Variants in DMD observed in about 807,000 individuals in gnomAD.
DMD encodes the protein mutant dystrophin.
DMD carries 63 observed loss-of-function variants against 330.1 expected under a neutral mutation model. The observed-to-expected ratio is 0.19, with a 90% CI of 0.16 to 0.24. The LOEUF is 0.24. Ranked by LOEUF, DMD falls within the 10% of genes least tolerant of loss-of-function variation. DMD has a pLI of 1.00. For missense variants in DMD, 3,344 were observed against 2,684.1 expected (o/e 1.25, Z -5.43); for synonymous variants, 1,223 against 959.8 (o/e 1.27, Z -5.07).
intron 44 of DMD, among the ~76,000 whole-genome samples, chrX:32,115,239 T>A (rs1168191235): frequency 1.8e-5 from 2 of 111,054 alleles, no homozygotes; most frequent in Admixed American, 9.6e-5. Flanking sequence ...GCCACATTAT[T>A]TATTTATTTA....
chrX:32,382,447 T>C (rs1016388538), intron 33 of DMD, among the ~76,000 whole-genome samples: 6 of 111,323 alleles, frequency 5.4e-5, no homozygotes, highest in African/African-American at 1.9e-4. Context: ...TAAAAATATG[T>C]ATAAAGCATC....
rs1303491589 is a variant in DMD at position 32,129,717 on chromosome X, G to A, written c.6438+87199C>T. ...ATATATATAGATATGGAGAGAGAGA[G>A]AGAGAGGGAGGGAGAGAGAGAGAGA... On this transcript the variant is annotated intron_variant, in intron 44 of 78. Transcript: ENST00000357033. Among the ~76,000 whole-genome samples, 115 of 49,908 alleles carry A rather than the reference G, an allele frequency of 2.3e-3. 1 individual carries two copies. Among genetic ancestry groups the A allele is most frequent in the Non-Finnish European group, 3.7e-3 (87 of 23,479 alleles). 43.3% of individuals were successfully genotyped at this position (49,908 alleles called of 115,157 possible). A position where few individuals can be genotyped will look rare whatever the true frequency, so the allele number is the denominator to read the frequency against.
At chrX:32,779,584 T>C (rs1035312640) in intron 7 of DMD, among the ~76,000 whole-genome samples, 1 of 108,033 alleles carries the variant, frequency 9.3e-6, no homozygotes, top group Non-Finnish European at 1.9e-5. Flanking sequence ...AGTGAGAACA[T>C]GCGGTGTTTG....
Position 32,889,180 on chromosome X carries a change from G to A in DMD, c.94-39360C>T, listed in dbSNP as rs376173230. 7.2e-5 allele frequency among the ~76,000 whole-genome samples: 8 copies of A among 111,005 alleles called. No individual in the cohort carries two copies. In the East Asian group the frequency reaches 1.7e-3, roughly 24 times the overall value. On this transcript the variant is annotated intron_variant, in intron 2 of 78. Transcript: ENST00000357033. ...GTTATGTCAGACCCAGGCAAGAATC[G>A]TGAGCATGTGTCTTAGCAAATGGAC...
At chrX:31,295,242 A>G (rs1225994659) in intron 62 of DMD, among the ~76,000 whole-genome samples, 3 of 109,817 alleles carry the variant, frequency 2.7e-5, no homozygotes, top group East Asian at 2.9e-4. Context: ...TGATCCGCCC[A>G]CCTCGGCCTC....
chrX:31,201,882 A>G (rs2043511612), intron 67 of DMD, among the ~76,000 whole-genome samples: 1 of 112,276 alleles, frequency 8.9e-6, no homozygotes, highest in Non-Finnish European at 1.9e-5. Context: ...GTGTTTCACT[A>G]GAACTCAAAG....
At chrX:31,976,216 A>G (rs949869614) in intron 44 of DMD, among the ~76,000 whole-genome samples, 1 of 111,309 alleles carries the variant, frequency 9.0e-6, no homozygotes, top group Non-Finnish European at 1.9e-5. Flanking sequence ...GCATTTGGAA[A>G]GTAAATACAC....
Position 32,252,630 on chromosome X carries a change from G to GTATA in DMD, c.6290+34895_6290+34898dup, listed in dbSNP as rs1226798950. The stretch of plus-strand genomic sequence containing the variant: ...TATATAAATAAATATATAAATATGT[G>GTATA]TATATATAAATATATATAAATACAA... On this transcript the variant is annotated intron_variant, in intron 43 of 78. Coordinates refer to ENST00000357033, the MANE Select transcript of DMD (RefSeq NM_004006.3). Among the ~76,000 whole-genome samples the GTATA allele has an allele frequency of 4.1e-4, 21 of 51,642 alleles. 1 individual carries two copies. The highest frequency in any genetic ancestry group is 2.2e-3 in the Admixed American group (7 of 3,241). The allele number at this position is 51,642 out of a possible 115,157, so 44.8% of individuals were successfully genotyped here.
At chrX:31,325,515 G>A (rs866662923) in intron 61 of DMD, among the ~76,000 whole-genome samples, 2 of 107,976 alleles carry the variant, frequency 1.9e-5, no homozygotes, top group Non-Finnish European at 3.8e-5. Flanking sequence ...TCGGGAGACT[G>A]AGGCAGGAAA....
intron 60 of DMD, among the ~76,000 whole-genome samples, chrX:31,364,668 C>T (rs1302848570): frequency 1.8e-5 from 2 of 112,072 alleles, no homozygotes; most frequent in Non-Finnish European, 1.9e-5. Flanking sequence ...AAGCACATTG[C>T]CTTTTTAAAT....
chrX:31,252,880 C>T (rs1208299676), intron 63 of DMD, among the ~76,000 whole-genome samples: 2 of 110,698 alleles, frequency 1.8e-5, no homozygotes, highest in Non-Finnish European at 3.8e-5. Context: ...AGCATGGTGG[C>T]GGGAGGCTGC....
chrX:31,363,765 C>G (rs374308767), intron 60 of DMD, among the ~76,000 whole-genome samples: 1 of 111,900 alleles, frequency 8.9e-6, no homozygotes, highest in African/African-American at 3.2e-5. Flanking sequence ...GCTATCTATC[C>G]CACGAATTAT....
At position 32,760,022 on chromosome X, in the gene DMD, C is replaced by A. The variant is rs1603373654; in HGVS notation, c.649+49471G>T. Among the ~76,000 whole-genome samples, 6 of 112,161 alleles carry A rather than the reference C, an allele frequency of 5.3e-5. No homozygotes were observed. In the Admixed American group the frequency reaches 5.7e-4, roughly 11 times the overall value. The stretch of plus-strand genomic sequence containing the variant: ...ATACATGGAATCAGAAGCAAAGATG[C>A]TGAATAAATCTGCATTGAAAAATGG... On this transcript the variant is annotated intron_variant, in intron 7 of 78. Transcript: ENST00000357033.
chrX:32,509,141 G>T (rs1431921171), intron 18 of DMD, among the ~76,000 whole-genome samples: 2 of 103,176 alleles, frequency 1.9e-5, no homozygotes, highest in African/African-American at 3.6e-5. Context: ...GAGATGATGA[G>T]AGTACCTTGT....
chrX:32,494,953 C>G, intron 19 of DMD, among the ~76,000 whole-genome samples: 1 of 110,759 alleles, frequency 9.0e-6, no homozygotes, highest in Non-Finnish European at 1.9e-5. Context: ...CTAGCCTGGG[C>G]AACAGAGCAA....
intron 62 of DMD, among the ~76,000 whole-genome samples, chrX:31,299,803 G>T (rs992542428): frequency 2.8e-5 from 3 of 106,444 alleles, no homozygotes; most frequent in African/African-American, 6.8e-5. Flanking sequence ...AAAAAAGGAT[G>T]GGGGGGATGA....
chrX:32,624,959 T>C (rs1239955045), intron 11 of DMD, among the ~76,000 whole-genome samples: 1 of 110,849 alleles, frequency 9.0e-6, no homozygotes, highest in East Asian at 2.9e-4. Flanking sequence ...GATCACAAGG[T>C]CAGGAGTTCG....
chrX:32,044,371 T>TAA (rs1427064032), intron 44 of DMD, among the ~76,000 whole-genome samples: 3 of 106,790 alleles, frequency 2.8e-5, no homozygotes, highest in Middle Eastern at 4.8e-3. Flanking sequence ...AACAGCCTAT[T>TAA]AAAAAAAAAA....
Position 31,371,298 on chromosome X carries a change from TA to T in DMD, c.9085-22665del, listed in dbSNP as rs199790023. On this transcript the variant is annotated intron_variant, in intron 60 of 78. Coordinates refer to ENST00000357033, the MANE Select transcript of DMD (RefSeq NM_004006.3). ...ATGACTGAATTTTCATCAGATTAGTTATATTGAATATTAATTCTAAGGTTCT... is the reference window on the plus strand; with the variant it reads ...ATGACTGAATTTTCATCAGATTAGTTTATTGAATATTAATTCTAAGGTTCT... Among the ~76,000 whole-genome samples the T allele has an allele frequency of 3.1e-3, 311 of 101,181 alleles. 1 individual carries two copies. Among genetic ancestry groups the T allele is most frequent in the Middle Eastern group, 0.021 (4 of 194 alleles). The allele number at this position is 101,181 out of a possible 115,157, so 87.9% of individuals were successfully genotyped here.
Sources: gnomAD v4.1 joint callset for allele counts (sites outside exome capture counted in the v4.1 genomes callset) on GRCh38, gnomAD v4.1.1 for gene constraint, MANE v1.5 for transcripts, NCBI Gene and HGNC (gene_info 2026-07-23, HGNC 2026-07-21) for gene names.